SMAP2: variants seen among roughly 807,000 people sequenced by gnomAD.
SMAP2 encodes stromal membrane-associated protein 2.
SMAP2 carries 25 observed loss-of-function variants against 56.4 expected under a neutral mutation model. That is an observed-to-expected ratio of 0.44 (90% CI 0.32 to 0.62). SMAP2 has a LOEUF of 0.62. Ranked by LOEUF, SMAP2 falls within the 20% of genes least tolerant of loss-of-function variation. SMAP2 has a pLI of 0.04. For missense variants in SMAP2, 388 were observed against 545.6 expected (o/e 0.71, Z 2.88); for synonymous variants, 157 against 181.7 (o/e 0.86, Z 1.09).
chr1:40,362,091 T>C (rs899008031), intron 1 of SMAP2, among the ~76,000 whole-genome samples: 3 of 152,050 alleles, frequency 2.0e-5, no homozygotes, highest in Non-Finnish European at 4.4e-5. Flanking sequence ...GGAGAGAGTA[T>C]GACCAGAATG....
rs746441096 is a variant in SMAP2, at chr1:40,416,835, C to T, written c.903C>T (p.Pro301=). 42 of 1,612,124 alleles carry T rather than the reference C, an allele frequency of 2.6e-5. No homozygotes were observed. The highest frequency in any genetic ancestry group is 2.2e-4 in the Admixed American group (13 of 59,976). Residue 301 remains proline (P), a synonymous_variant, in exon 9 of 10, where the codon CCC becomes CCT. Transcript: ENST00000372718. ...ATCCCACAGCCTACCCCAGCTTCCC[C>T]GGGGTTACACCTCCTAACAGCATAA... ...MAYPTAYPSF[P]GVTPPNSIMG...
rs186383354 is a variant in SMAP2, at chr1:40,386,149, A to G, written c.103+11926A>G. Among the ~76,000 whole-genome samples, 1 of 152,314 alleles carries G rather than the reference A, an allele frequency of 6.6e-6. No homozygotes were observed. The highest frequency in any genetic ancestry group is 6.5e-5 in the Admixed American group (1 of 15,298). ...AGGAAGGAAACTCCCTGTTCTTACC[A>G]TGATGCTTTTGTTCAAAATAGCTGA... On this transcript the variant is annotated intron_variant, in intron 1 of 9. Transcript: ENST00000372718. This position sits in a 1 kb window ranked among gnomAD's most constrained non-coding sequence, Gnocchi z 4.1.
chr1:40,408,753 G>T lies in SMAP2; in HGVS notation c.323+15G>T. The stretch of plus-strand genomic sequence containing the variant: ...CAGATAGACCCGTATCTTTTCTGGA[G>T]CAACTTAGAAGGCTGAGTGGTATTT... On this transcript the variant is annotated intron_variant, in intron 3 of 9. Coordinates refer to ENST00000372718, the MANE Select transcript of SMAP2 (RefSeq NM_022733.3). This position sits in a 1 kb window ranked among gnomAD's most constrained non-coding sequence, Gnocchi z 4.3. The T allele has an allele frequency of 6.2e-7, 1 of 1,607,790 alleles. No individual in the cohort carries two copies. The highest frequency in any genetic ancestry group is 8.5e-7 in the Non-Finnish European group (1 of 1,174,408).
rs1644526069 is a variant in SMAP2, at chr1:40,374,678, G to A, written c.103+455G>A. 1 of 1,549,982 alleles carries A rather than the reference G, an allele frequency of 6.5e-7. No homozygotes were observed. The highest frequency in any genetic ancestry group is 2.0e-5 in the Admixed American group (1 of 50,910). ...GGAGGAGGAGGGAAGTGAGATGGCGGAAAGGAAAACTGCTTAAATGATTTT... is the reference window on the plus strand; with the variant it reads ...GGAGGAGGAGGGAAGTGAGATGGCGAAAAGGAAAACTGCTTAAATGATTTT... On this transcript the variant is annotated intron_variant, in intron 1 of 9. Coordinates refer to ENST00000372718, the MANE Select transcript of SMAP2 (RefSeq NM_022733.3). The surrounding 1 kb of genome is among the most constrained non-coding windows in gnomAD (Gnocchi z 5.9).
At chr1:40,400,776 A>C (rs1644825308) in intron 1 of SMAP2, among the ~76,000 whole-genome samples, 1 of 151,434 alleles carries the variant, frequency 6.6e-6, no homozygotes, top group Non-Finnish European at 1.5e-5. Context: ...GTTTATATTT[A>C]GAGGTGTGAT....
In SMAP2 at chr1:40,416,765, G is replaced by A; in HGVS notation, c.848-15G>A. 4.4e-6 allele frequency: 7 copies of A among 1,589,624 alleles called. No individual in the cohort carries two copies. Among genetic ancestry groups the A allele is most frequent in the Non-Finnish European group, 6.0e-6 (7 of 1,161,200 alleles). Reference sequence around the variant, plus strand: ...TTCCCTCTTTAACCAACCTGTATGTGTGTTTTCTTGGCAGCAATGTTCATG... The same window carrying A: ...TTCCCTCTTTAACCAACCTGTATGTATGTTTTCTTGGCAGCAATGTTCATG... On this transcript the variant is annotated splice_polypyrimidine_tract_variant and intron_variant, in intron 8 of 9. Coordinates refer to ENST00000372718, the MANE Select transcript of SMAP2 (RefSeq NM_022733.3).
At chr1:40,371,257 A>C (rs570576372), upstream of SMAP2, among the ~76,000 whole-genome samples, 1 of 152,254 alleles carries the variant, frequency 6.6e-6, no homozygotes, top group Admixed American at 6.5e-5. Context: ...CATTTTTGCA[A>C]GACTAGTCAA....
chr1:40,413,269 C>G (rs1044543071), intron 5 of SMAP2, among the ~76,000 whole-genome samples, 167 bp downstream of exon 5: 3 of 152,172 alleles, frequency 2.0e-5, no homozygotes, highest in African/African-American at 7.2e-5. Context: ...TCTCTCGTTA[C>G]CAGTTGCTGC....
chr1:40,406,742 G>T lies in SMAP2; in HGVS notation c.110G>T (p.Arg37Leu). 1 of 1,612,944 alleles carries T rather than the reference G, an allele frequency of 6.2e-7. No individual in the cohort carries two copies. Among genetic ancestry groups the T allele is most frequent in the Non-Finnish European group, 8.5e-7 (1 of 1,179,190 alleles). ...FCADCQSKGP[R>L]WASWNIGVFI... is the part of the protein sequence containing the mutation. ...CTGTTCCTGACTTTCACAGGGCCGCGATGGGCCTCTTGGAACATTGGTGTG... is the reference window on the plus strand; with the variant it reads ...CTGTTCCTGACTTTCACAGGGCCGCTATGGGCCTCTTGGAACATTGGTGTG... The change falls in exon 2 of 10, where the codon CGA becomes CTA. Residue 37 changes from arginine (R) to leucine (L), a missense_variant. By Grantham distance (102) the Arg-to-Leu change is moderately radical (BLOSUM62 -2). Coordinates refer to ENST00000372718, the MANE Select transcript of SMAP2 (RefSeq NM_022733.3).
intron 9 of SMAP2, among the ~76,000 whole-genome samples, chr1:40,418,735 G>C (rs906237309): frequency 6.6e-6 from 1 of 152,068 alleles, no homozygotes; most frequent in Admixed American, 6.5e-5. Context: ...AATACAAAAA[G>C]AATAACAAGG....
chr1:40,406,563 TTAAAC>T lies in SMAP2; in HGVS notation c.104-168_104-164del, dbSNP rs967211616. Among the ~76,000 whole-genome samples the T allele has an allele frequency of 1.3e-4, 20 of 152,256 alleles. 1 individual carries two copies. The highest frequency in any genetic ancestry group is 7.7e-4 in the East Asian group (4 of 5,184). On this transcript the variant is annotated intron_variant, in intron 1 of 9. Coordinates refer to ENST00000372718, the MANE Select transcript of SMAP2 (RefSeq NM_022733.3). The stretch of plus-strand genomic sequence containing the variant: ...AAACCACTGTATTGTACACTTAAAT[TTAAAC>T]TAAAGAAAAGCTGACACATGGAGGA...
rs148885894 is a variant in SMAP2, at chr1:40,377,253, G to A, written c.103+3030G>A. Among the ~76,000 whole-genome samples the A allele has an allele frequency of 1.4e-4, 21 of 152,346 alleles. No homozygotes were observed. The East Asian group carries it at 3.9e-3, about 28-fold the overall frequency. ...AAGCTGCAGTGGGCCATGATTGAGTGCCACTGCGCTGCAGCCTGGGTCAGA... is the reference window on the plus strand; with the variant it reads ...AAGCTGCAGTGGGCCATGATTGAGTACCACTGCGCTGCAGCCTGGGTCAGA... On this transcript the variant is annotated intron_variant, in intron 1 of 9. Transcript: ENST00000372718.
At chr1:40,387,920 T>TG (rs149900738) in intron 1 of SMAP2, among the ~76,000 whole-genome samples, 15,257 of 151,810 alleles carry the variant, frequency 0.1, 838 homozygotes, top group Middle Eastern at 0.12. Context: ...CGGGTGGGCA[T>TG]GGGCTTGGCG....
At position 40,408,829 on chromosome 1, in the gene SMAP2, T is replaced by C; in HGVS notation, c.323+91T>C. On this transcript the variant is annotated intron_variant, in intron 3 of 9. Coordinates refer to ENST00000372718, the MANE Select transcript of SMAP2 (RefSeq NM_022733.3). The surrounding 1 kb of genome is among the most constrained non-coding windows in gnomAD (Gnocchi z 4.3). ...ACTCCAGTCCTGTAATGTGACTGGG[T>C]CATCTCTATGTGGATTAGTCAGTGT... 1.0e-6 allele frequency: 1 copy of C among 990,218 alleles called. No individual in the cohort carries two copies. The highest frequency in any genetic ancestry group is 1.6e-6 in the Non-Finnish European group (1 of 624,404). 61.3% of individuals were successfully genotyped at this position (990,218 alleles called of 1,614,324 possible). A position where few individuals can be genotyped will look rare whatever the true frequency, so the allele number is the denominator to read the frequency against.
Position 40,416,837 on chromosome 1 carries a change from G to A in SMAP2, c.905G>A (p.Gly302Glu). 5 of 1,613,066 alleles carry A rather than the reference G, an allele frequency of 3.1e-6. No homozygotes were observed. The highest frequency in any genetic ancestry group is 4.2e-6 in the Non-Finnish European group (5 of 1,179,102). Reference sequence around the variant, plus strand: ...CCCACAGCCTACCCCAGCTTCCCCGGGGTTACACCTCCTAACAGCATAATG... The same window carrying A: ...CCCACAGCCTACCCCAGCTTCCCCGAGGTTACACCTCCTAACAGCATAATG... ...AYPTAYPSFP[G>E]VTPPNSIMGS... Residue 302 changes from glycine (G) to glutamate (E), a missense_variant, in exon 9 of 10, where the codon GGG becomes GAG. By Grantham distance (98) the Gly-to-Glu change is moderately conservative. Transcript: ENST00000372718.
intron 1 of SMAP2, among the ~76,000 whole-genome samples, chr1:40,380,699 T>C (rs1465215538): frequency 6.6e-6 from 1 of 151,986 alleles, no homozygotes; most frequent in Non-Finnish European, 1.5e-5. Context: ...CTGGCTAATA[T>C]TTTGTATTTT....
intron 1 of SMAP2, among the ~76,000 whole-genome samples, chr1:40,377,561 G>T (rs1481079362): frequency 1.3e-5 from 2 of 152,162 alleles, no homozygotes; most frequent in Admixed American, 6.5e-5. Flanking sequence ...GTGACTTTTA[G>T]GGTGAACTTT....
At chr1:40,407,386 G>A (rs1644895352) in intron 2 of SMAP2, among the ~76,000 whole-genome samples, 1 of 152,102 alleles carries the variant, frequency 6.6e-6, no homozygotes, top group Non-Finnish European at 1.5e-5. Flanking sequence ...AGCAGTTTGG[G>A]AAGCTGAGGT....
intron 2 of SMAP2, among the ~76,000 whole-genome samples, chr1:40,362,715 A>T (rs1160469427): frequency 6.6e-6 from 1 of 152,096 alleles, no homozygotes; most frequent in Non-Finnish European, 1.5e-5. Context: ...ATTTCCTATC[A>T]TTACACTACA....
Sources: allele counts gnomAD v4.1 joint callset (sites outside exome capture counted in the v4.1 genomes callset), GRCh38; gene constraint gnomAD v4.1.1; non-coding constraint Gnocchi (gnomAD v3.1); transcripts MANE v1.5; gene names NCBI Gene and HGNC (gene_info 2026-07-23, HGNC 2026-07-21).